The following NEK9 variants were observed in gnomAD, a reference collection of about 807,000 sequenced individuals.
NEK9 encodes the protein NIMA related kinase 9.
In NEK9, 75 loss-of-function variants were observed where a neutral mutation model predicts 123.4. That is an observed-to-expected ratio of 0.61 (90% CI 0.50 to 0.74). The LOEUF is 0.74. NEK9 is among the 30% of genes least tolerant of loss of function. The probability of loss-of-function intolerance (pLI) is 0.00; values close to 1 mark genes in which losing one functional copy is unlikely to be tolerated. For missense variants in NEK9, 952 were observed against 1,214.4 expected (o/e 0.78, Z 3.21); for synonymous variants, 438 against 458.7 (o/e 0.95, Z 0.58).
intron 6 of NEK9, among the ~76,000 whole-genome samples, chr14:75,115,646 T>C (rs886636699): frequency 3.9e-5 from 6 of 152,188 alleles, no homozygotes; most frequent in African/African-American, 7.2e-5. Context: ...GATGAAGTGA[T>C]TTGCCTAAAT....
At chr14:75,086,347 A>AT (rs963856539) in intron 21 of NEK9, 1 of 151,376 alleles carries the variant, frequency 6.6e-6, no homozygotes, top group Non-Finnish European at 1.5e-5. Flanking sequence ...TATAAAGGAC[A>AT]TTTTTGTGGG....
rs193218770 is a variant in NEK9 at position 75,082,804 on chromosome 14, C to T, written c.*1760G>A. On this transcript the variant is annotated 3_prime_UTR_variant, in exon 22 of 22. Coordinates refer to ENST00000238616, the MANE Select transcript of NEK9 (RefSeq NM_033116.6). ...TCGGTCCTCAAGAAAATCAAAGTTGCATTTACATGCTGAACCAAAACCCAC... is the reference window on the plus strand; with the variant it reads ...TCGGTCCTCAAGAAAATCAAAGTTGTATTTACATGCTGAACCAAAACCCAC... 1.3e-5 allele frequency: 5 copies of T among 396,296 alleles called. No individual in the cohort carries two copies. The highest frequency in any genetic ancestry group is 8.2e-5 in the African/African-American group (4 of 48,706). The allele number at this position is 396,296 out of a possible 1,614,324, so 24.5% of individuals were successfully genotyped here. A position where few individuals can be genotyped will look rare whatever the true frequency, so the allele number is the denominator to read the frequency against.
chr14:75,097,941 G>A (rs1037052913), intron 16 of NEK9, among the ~76,000 whole-genome samples: 1 of 152,194 alleles, frequency 6.6e-6, no homozygotes, highest in Non-Finnish European at 1.5e-5. Flanking sequence ...GGGGTCAGGA[G>A]GTGGCTGAGG....
At position 75,126,695 on chromosome 14, in the gene NEK9, G is replaced by A; in HGVS notation, c.219+8C>T. Reference sequence around the variant, plus strand: ...CCAGACAGGGCGGCCGGCGCCGAGGGCCGCTACCTCGGTGCGGCGGTACAG... The same window carrying A: ...CCAGACAGGGCGGCCGGCGCCGAGGACCGCTACCTCGGTGCGGCGGTACAG... On this transcript the variant is annotated splice_region_variant and intron_variant, in intron 1 of 21. Transcript: ENST00000238616. 1 of 1,406,356 alleles carries A rather than the reference G, an allele frequency of 7.1e-7. No individual in the cohort carries two copies. The allele number at this position is 1,406,356 out of a possible 1,614,324, so 87.1% of individuals were successfully genotyped here. A position where few individuals can be genotyped will look rare whatever the true frequency, so the allele number is the denominator to read the frequency against.
intron 12 of NEK9, 88 bp from the exon 13 acceptor site, chr14:75,106,084 G>C: frequency 8.4e-7 from 1 of 1,188,534 alleles, no homozygotes; most frequent in Non-Finnish European, 1.3e-6. Flanking sequence ...TGCCAGGTGC[G>C]GTGGCTCACA....
chr14:75,090,252 A>G (rs975998346), intron 19 of NEK9, among the ~76,000 whole-genome samples: 7 of 150,926 alleles, frequency 4.6e-5, no homozygotes, highest in African/African-American at 1.7e-4. Context: ...TGCTGGAATT[A>G]CAGCTGGGAG....
chr14:75,108,125 C>CT (rs528274966), intron 10 of NEK9, among the ~76,000 whole-genome samples: 2,754 of 141,932 alleles, frequency 0.019, 35 homozygotes, highest in African/African-American at 0.038. Context: ...GACTTTTCAA[C>CT]TTTTTTTTTT....
At chr14:75,101,804 A>G (rs368960469) in intron 14 of NEK9, 39 bp from the exon 15 acceptor site, 15 of 1,426,216 alleles carry the variant, frequency 1.1e-5, no homozygotes, top group Non-Finnish European at 1.4e-5. Flanking sequence ...GCATGAGGTA[A>G]GAAAATCGAA....
At position 75,083,622 on chromosome 14, in the gene NEK9, C is replaced by A. The variant is rs2139702840; in HGVS notation, c.*942G>T. Reference sequence around the variant, plus strand: ...GATATCAAGATCAGAACCCTAAGAGCCATGAAGGCAGAGGCTCAAAGAAGT... The same window carrying A: ...GATATCAAGATCAGAACCCTAAGAGACATGAAGGCAGAGGCTCAAAGAAGT... On this transcript the variant is annotated 3_prime_UTR_variant, in exon 22 of 22. Transcript: ENST00000238616. The A allele has an allele frequency of 6.6e-6, 1 of 152,326 alleles. No homozygotes were observed. Among genetic ancestry groups the A allele is most frequent in the Non-Finnish European group, 1.5e-5 (1 of 68,054 alleles). 9.4% of individuals were successfully genotyped at this position (152,326 alleles called of 1,614,324 possible). A position where few individuals can be genotyped will look rare whatever the true frequency, so the allele number is the denominator to read the frequency against.
chr14:75,120,387 T>C (rs570796148), intron 4 of NEK9, 123 bp downstream of exon 4: 2 of 596,384 alleles, frequency 3.4e-6, no homozygotes, highest in South Asian at 4.4e-5. Flanking sequence ...CCTTTCCTAG[T>C]GATATCAATG....
chr14:75,103,196 A>T (rs553721319), intron 14 of NEK9, among the ~76,000 whole-genome samples: 44 of 151,602 alleles, frequency 2.9e-4, no homozygotes, highest in Admixed American at 4.6e-4. Flanking sequence ...AGTATAATAA[A>T]AAAAAAAAAA....
Position 75,083,174 on chromosome 14 carries a change from G to C in NEK9, c.*1390C>G. ...AACAAAATTAATTTAGCTGTTTATA[G>C]GAAGGTGGGATGTGAGACTCATCAA... On this transcript the variant is annotated 3_prime_UTR_variant, in exon 22 of 22. Transcript: ENST00000238616. 2 of 398,370 alleles carry C rather than the reference G, an allele frequency of 5.0e-6. No individual in the cohort carries two copies. The highest frequency in any genetic ancestry group is 7.1e-5 in the East Asian group (2 of 28,076). 24.7% of individuals were successfully genotyped at this position (398,370 alleles called of 1,614,324 possible).
At chr14:75,103,090 G>A (rs947891778) in intron 14 of NEK9, among the ~76,000 whole-genome samples, 5 of 151,828 alleles carry the variant, frequency 3.3e-5, no homozygotes, top group African/African-American at 1.2e-4. Flanking sequence ...TATACCTAAT[G>A]TAAATGACGA....
chr14:75,121,066 G>A, intron 3 of NEK9, 53 bp downstream of exon 3: 3 of 1,386,128 alleles, frequency 2.2e-6, no homozygotes, highest in South Asian at 1.2e-5. Context: ...GAACTAGAAT[G>A]CAAGAATTAC....
intron 2 of NEK9, among the ~76,000 whole-genome samples, chr14:75,121,767 C>T (rs1242389514): frequency 6.6e-6 from 1 of 152,106 alleles, no homozygotes; most frequent in Non-Finnish European, 1.5e-5. Context: ...GGGAGGGTCG[C>T]CTGAGCGTGG....
In NEK9 at chr14:75,084,821, T is replaced by G. The variant is rs983996434; in HGVS notation, c.2818-135A>C. ...CTAAGGATTTGTAGCCACGATCTTG[T>G]GAGACGCTCATGGCACTATTTTAGA... On this transcript the variant is annotated intron_variant, in intron 21 of 21. Transcript: ENST00000238616. 4.6e-6 allele frequency: 5 copies of G among 1,076,274 alleles called. No individual in the cohort carries two copies. The African/African-American group carries it at 7.8e-5, about 17-fold the overall frequency. The allele number at this position is 1,076,274 out of a possible 1,614,324, so 66.7% of individuals were successfully genotyped here. A position where few individuals can be genotyped will look rare whatever the true frequency, so the allele number is the denominator to read the frequency against.
rs1594817827 is a variant in NEK9 at position 75,084,278 on chromosome 14, G to C, written c.*286C>G. 1 of 349,356 alleles carries C rather than the reference G, an allele frequency of 2.9e-6. No individual in the cohort carries two copies. Among genetic ancestry groups the C allele is most frequent in the East Asian group, 5.3e-5 (1 of 18,930 alleles). The allele number at this position is 349,356 out of a possible 1,614,324, so 21.6% of individuals were successfully genotyped here. On this transcript the variant is annotated 3_prime_UTR_variant, in exon 22 of 22. Coordinates refer to ENST00000238616, the MANE Select transcript of NEK9 (RefSeq NM_033116.6). ...AGCACTGTGTCTCCTCTTCAAAGGT[G>C]GGATCAACAGATGAGGTACAGAGCT...
At chr14:75,085,850 ACT>A (rs1894004202) in intron 21 of NEK9, among the ~76,000 whole-genome samples, 1 of 152,160 alleles carries the variant, frequency 6.6e-6, no homozygotes, top group African/African-American at 2.4e-5. Flanking sequence ...TGTTTGTGCC[ACT>A]GCACTCCAGC....
At position 75,121,308 on chromosome 14, in the gene NEK9, T is replaced by G; in HGVS notation, c.398-134A>C. ...TCCATAGGCAACTACTTCTTTTGAC[T>G]TTTCACATGGGCACAAAACTCTTCC... On this transcript the variant is annotated intron_variant, in intron 2 of 21. Coordinates refer to ENST00000238616, the MANE Select transcript of NEK9 (RefSeq NM_033116.6). 4.9e-6 allele frequency: 3 copies of G among 610,124 alleles called. No individual in the cohort carries two copies. The South Asian group carries it at 6.5e-5, about 13-fold the overall frequency. 37.8% of individuals were successfully genotyped at this position (610,124 alleles called of 1,614,324 possible). A position where few individuals can be genotyped will look rare whatever the true frequency, so the allele number is the denominator to read the frequency against.
Sources: gnomAD v4.1 joint callset for allele counts (sites outside exome capture counted in the v4.1 genomes callset) on GRCh38, gnomAD v4.1.1 for gene constraint, MANE v1.5 for transcripts, NCBI Gene and HGNC (gene_info 2026-07-23, HGNC 2026-07-21) for gene names.